CADPS2: variants seen among roughly 807,000 people sequenced by gnomAD.
CADPS2 encodes the protein calcium-dependent secretion activator 2.
CADPS2 carries 93 observed loss-of-function variants against 172.5 expected under a neutral mutation model. That is an observed-to-expected ratio of 0.54 (90% confidence interval 0.46 to 0.64). CADPS2 has a LOEUF of 0.64. CADPS2 is among the 30% of genes least tolerant of loss of function. The pLI is 0.00. For synonymous variants in CADPS2, 546 were observed against 555.2 expected (o/e 0.98, Z 0.23); for missense variants, 1,420 against 1,565.9 (o/e 0.91, Z 1.57).
chr7:122,447,004 C>G (rs1337817335), intron 15 of CADPS2, among the ~76,000 whole-genome samples: 1 of 146,346 alleles, frequency 6.8e-6, no homozygotes, highest in African/African-American at 2.5e-5. Context: ...TCCCCTGCTG[C>G]TCCATCTTGG....
intron 9 of CADPS2, among the ~76,000 whole-genome samples, chr7:122,491,702 T>G (rs906242877): frequency 2.0e-5 from 3 of 152,080 alleles, no homozygotes; most frequent in Non-Finnish European, 2.9e-5. Context: ...AAATAAGTAT[T>G]CATGTTGATA....
intron 3 of CADPS2, among the ~76,000 whole-genome samples, chr7:122,646,198 T>A (rs1409871263): frequency 6.6e-6 from 1 of 152,098 alleles, no homozygotes; most frequent in Admixed American, 6.6e-5. Flanking sequence ...GAGCCATGTC[T>A]CGTCCTCATC....
Position 122,374,315 on chromosome 7 carries a change from C to A in CADPS2, c.3387+5053G>T, listed in dbSNP as rs189802611. Among the ~76,000 whole-genome samples, 4 of 152,104 alleles carry A rather than the reference C, an allele frequency of 2.6e-5. No homozygotes were observed. In the East Asian group the frequency reaches 7.7e-4, roughly 29 times the overall value. On this transcript the variant is annotated intron_variant, in intron 25 of 29. Coordinates refer to ENST00000449022, the MANE Select transcript of CADPS2 (RefSeq NM_017954.11). ...ATCATATTCAGTGGTGAAAAAATAA[C>A]TTTTTTCTCTAAGATACAGCATGAG... is the stretch of plus-strand genomic sequence containing the variant.
At chr7:122,429,087 A>G (rs921756756) in intron 17 of CADPS2, among the ~76,000 whole-genome samples, 2 of 152,066 alleles carry the variant, frequency 1.3e-5, no homozygotes, top group Non-Finnish European at 2.9e-5. Flanking sequence ...GAAAATTAGA[A>G]TTTTAGAAAA....
chr7:122,659,961 G>C (rs2080333355), intron 3 of CADPS2, among the ~76,000 whole-genome samples: 1 of 152,074 alleles, frequency 6.6e-6, no homozygotes, highest in Non-Finnish European at 1.5e-5. Context: ...CAAAAACTGA[G>C]AGACTGCATC....
At chr7:122,528,985 A>C (rs76919178) in intron 8 of CADPS2, among the ~76,000 whole-genome samples, 1,970 of 152,206 alleles carry the variant, frequency 0.013, 22 homozygotes, top group Non-Finnish European at 0.018. Flanking sequence ...TACTTAAATA[A>C]GTGCCACTTT....
At chr7:122,484,716 C>A in intron 11 of CADPS2, among the ~76,000 whole-genome samples, 1 of 151,080 alleles carries the variant, frequency 6.6e-6, no homozygotes. Flanking sequence ...AAAGACAAGC[C>A]ATAGATTAGG....
intron 2 of CADPS2, among the ~76,000 whole-genome samples, chr7:122,733,186 C>G (rs1588859804): frequency 1.3e-5 from 2 of 151,470 alleles, no homozygotes; most frequent in Non-Finnish European, 2.9e-5. Context: ...CAAGGAAACA[C>G]AAAATCATGA....
chr7:122,408,099 T>G (rs917331770), intron 19 of CADPS2, among the ~76,000 whole-genome samples: 2 of 152,080 alleles, frequency 1.3e-5, no homozygotes, highest in Non-Finnish European at 2.9e-5. Flanking sequence ...TTAAAACATT[T>G]GGTATTACAC....
At chr7:122,785,605 C>A (rs747393782) in intron 1 of CADPS2, among the ~76,000 whole-genome samples, 3 of 152,064 alleles carry the variant, frequency 2.0e-5, no homozygotes, top group Non-Finnish European at 2.9e-5. Context: ...AGCCTTTTTG[C>A]TCTCAGGTCT....
At chr7:122,736,808 T>G in intron 2 of CADPS2, 147 bp downstream of exon 2, 2 of 570,574 alleles carry the variant, frequency 3.5e-6, no homozygotes, top group Admixed American at 3.2e-5. Flanking sequence ...AATTGCTAAA[T>G]AGAACTGACA....
At chr7:122,658,713 C>G (rs7811425) in intron 3 of CADPS2, among the ~76,000 whole-genome samples, 24 of 152,172 alleles carry the variant, frequency 1.6e-4, no homozygotes, top group Non-Finnish European at 3.2e-4. Context: ...GGAAGGGGAA[C>G]GAAACACACT....
At chr7:122,382,634 T>C (rs1168284870) in intron 24 of CADPS2, among the ~76,000 whole-genome samples, 1 of 152,062 alleles carries the variant, frequency 6.6e-6, no homozygotes. Flanking sequence ...GGTACATTAA[T>C]GTTTCCAACA....
intron 3 of CADPS2, among the ~76,000 whole-genome samples, chr7:122,633,410 C>A (rs2076764828): frequency 6.6e-6 from 1 of 151,910 alleles, no homozygotes; most frequent in Non-Finnish European, 1.5e-5. Context: ...GATCTTTCAC[C>A]TCATTGGTTA....
At chr7:122,697,450 TC>T (rs1317162420) in intron 2 of CADPS2, among the ~76,000 whole-genome samples, 1 of 152,204 alleles carries the variant, frequency 6.6e-6, no homozygotes, top group Non-Finnish European at 1.5e-5. Context: ...TCAGTAATTT[TC>T]TTACCAAAAT....
chr7:122,766,426 C>T (rs906388685), intron 1 of CADPS2, among the ~76,000 whole-genome samples: 3 of 151,942 alleles, frequency 2.0e-5, no homozygotes, highest in African/African-American at 7.3e-5. Context: ...TATTTTATAC[C>T]GATAAGAATA....
At chr7:122,373,510 G>T (rs1035587504) in intron 25 of CADPS2, among the ~76,000 whole-genome samples, 4 of 152,014 alleles carry the variant, frequency 2.6e-5, no homozygotes, top group Non-Finnish European at 4.4e-5. Flanking sequence ...CTGGTATCAC[G>T]CCTGCCCAAA....
intron 1 of CADPS2, among the ~76,000 whole-genome samples, chr7:122,752,503 TA>T: frequency 6.6e-6 from 1 of 152,316 alleles, no homozygotes; most frequent in South Asian, 2.1e-4. Flanking sequence ...AATTTAACAC[TA>T]AAATTGTTTG....
At chr7:122,499,773 C>T (rs545339834) in intron 9 of CADPS2, among the ~76,000 whole-genome samples, 1 of 152,176 alleles carries the variant, frequency 6.6e-6, no homozygotes, top group Non-Finnish European at 1.5e-5. Context: ...TATTCAACAC[C>T]AGGGGACCTC....
Sources: allele counts gnomAD v4.1 joint callset (sites outside exome capture counted in the v4.1 genomes callset), GRCh38; gene constraint gnomAD v4.1.1; transcripts MANE v1.5; gene names NCBI Gene and HGNC (gene_info 2026-07-23, HGNC 2026-07-21).